Variants in EPO observed in about 807,000 individuals in gnomAD.
EPO encodes epoetin.
A neutral mutation model predicts 24.4 loss-of-function variants in EPO; 12 were observed. The observed-to-expected ratio is 0.49, with a 90% CI of 0.32 to 0.80. The LOEUF (loss-of-function observed/expected upper bound fraction) is 0.80, where lower values mean the gene tolerates loss of function less well. EPO is among the 30% of genes least tolerant of loss of function. EPO has a pLI of 0.04. For missense variants in EPO, 210 were observed against 238.0 expected (o/e 0.88, Z 0.77); for synonymous variants, 107 against 104.0 (o/e 1.03, Z -0.18).
At position 100,723,120 on chromosome 7, in the gene EPO, CAG is replaced by C; in HGVS notation, c.570_571del (p.Asp192GlnfsTer64). On this transcript the variant is annotated frameshift_variant, in exon 5 of 5. Transcript: ENST00000252723. LOFTEE classifies it high-confidence loss of function. ...CTGTACACAGGGGAGGCCTGCAGGA[CAG>C]GGGACAGATGACCAGGTGTGTCCAC... The C allele has an allele frequency of 6.2e-7, 1 of 1,613,960 alleles. No homozygotes were observed. The highest frequency in any genetic ancestry group is 8.5e-7 in the Non-Finnish European group (1 of 1,179,910).
rs763785260 is a variant in EPO, at chr7:100,723,022, C to T, written c.471C>T (p.Leu157=). Residue 157 remains leucine (L), a synonymous_variant, in exon 5 of 5, where the codon CTC becomes CTT. Coordinates refer to ENST00000252723, the MANE Select transcript of EPO (RefSeq NM_000799.4). ...SPPDAASAAP[L]RTITADTFRK... is the part of the protein sequence containing the mutation. The stretch of plus-strand genomic sequence containing the variant: ...CAGATGCGGCCTCAGCTGCTCCACT[C>T]CGAACAATCACTGCTGACACTTTCC... 1.1e-5 allele frequency: 18 copies of T among 1,614,044 alleles called. No individual in the cohort carries two copies. The Admixed American group carries it at 3.0e-4, about 27-fold the overall frequency.
At position 100,722,010 on chromosome 7, in the gene EPO, G is replaced by A. The variant is rs62483572; in HGVS notation, c.208G>A (p.Asp70Asn). ...CTTGAATGAGAATATCACTGTCCCA[G>A]ACACCAAAGTTAATTTCTATGCCTG... ...CSLNENITVP[D>N]TKVNFYAWKR... Residue 70 changes from aspartate to asparagine, a missense_variant, in exon 3 of 5, where the codon GAC (aspartate) becomes AAC (asparagine). Coordinates refer to ENST00000252723, the MANE Select transcript of EPO (RefSeq NM_000799.4). The A allele has an allele frequency of 4.0e-3, 6,390 of 1,612,388 alleles. 16 individuals are homozygous for A. Among genetic ancestry groups the A allele is most frequent in the Non-Finnish European group, 5.1e-3 (5,960 of 1,179,554 alleles).
In EPO at chr7:100,721,566, G is replaced by A. The variant is rs1459236103; in HGVS notation, c.22G>A (p.Ala8Thr). 1.2e-6 allele frequency: 2 copies of A among 1,613,936 alleles called. No homozygotes were observed. Among genetic ancestry groups the A allele is most frequent in the Non-Finnish European group, 1.7e-6 (2 of 1,180,000 alleles). ...CTGGCTATCTGTTCTAGAATGTCCT[G>A]CCTGGCTGTGGCTTCTCCTGTCCCT... is the stretch of plus-strand genomic sequence containing the variant. MGVHECPAWLWLLLSLLS... is the reference protein window; with the variant it reads MGVHECPTWLWLLLSLLS... The change falls in exon 2 of 5, where the codon GCC becomes ACC. Residue 8 changes from alanine (A) to threonine (T), a missense_variant. Ala to Thr is a moderately conservative substitution (Grantham distance 58, BLOSUM62 0). Transcript: ENST00000252723. The surrounding 1 kb of genome is among the most constrained non-coding windows in gnomAD (Gnocchi z 4.0).
At position 100,721,753 on chromosome 7, in the gene EPO, A is replaced by G. The variant is rs762977212; in HGVS notation, c.159+50A>G. 1.3e-6 allele frequency: 2 copies of G among 1,577,262 alleles called. No individual in the cohort carries two copies. The highest frequency in any genetic ancestry group is 2.3e-5 in the South Asian group (2 of 87,172). On this transcript the variant is annotated intron_variant, in intron 2 of 4. Coordinates refer to ENST00000252723, the MANE Select transcript of EPO (RefSeq NM_000799.4). This position sits in a 1 kb window ranked among gnomAD's most constrained non-coding sequence, Gnocchi z 4.0. ...CCACAGAACTCACGCTCAGGGCTTCAGGGAACTCCTCCCAGATCCAGGAAC... is the reference window on the plus strand; with the variant it reads ...CCACAGAACTCACGCTCAGGGCTTCGGGGAACTCCTCCCAGATCCAGGAAC...
Position 100,721,892 on chromosome 7 carries a change from A to G in EPO, c.160-70A>G. 6.4e-7 allele frequency: 1 copy of G among 1,554,236 alleles called. No individual in the cohort carries two copies. The highest frequency in any genetic ancestry group is 8.7e-7 in the Non-Finnish European group (1 of 1,149,074). On this transcript the variant is annotated intron_variant, in intron 2 of 4. Coordinates refer to ENST00000252723, the MANE Select transcript of EPO (RefSeq NM_000799.4). This position sits in a 1 kb window ranked among gnomAD's most constrained non-coding sequence, Gnocchi z 4.0. ...ACTAGGCAAGGAGCAAAGCCAGCAG[A>G]TCCTACGGCCTGTGGGCCAGGGCCA... is the stretch of plus-strand genomic sequence containing the variant.
chr7:100,722,595 G>T, intron 3 of EPO, 69 bp from the exon 4 acceptor site: 1 of 1,368,308 alleles, frequency 7.3e-7, no homozygotes, highest in South Asian at 1.4e-5. Flanking sequence ...CTTGGTGCTT[G>T]GGGCTGCTGA....
Position 100,720,877 on chromosome 7 carries a change from C to A in EPO, c.-104C>A. On this transcript the variant is annotated 5_prime_UTR_variant, in exon 1 of 5. Coordinates refer to ENST00000252723, the MANE Select transcript of EPO (RefSeq NM_000799.4). ...CTGGACAGCCGCCCTCTCCTCCAGG[C>A]CCGTGGGGCTGGCCCTGCACCGCCG... The A allele has an allele frequency of 2.2e-6, 3 of 1,350,870 alleles. No individual in the cohort carries two copies. Among genetic ancestry groups the A allele is most frequent in the Non-Finnish European group, 2.9e-6 (3 of 1,039,434 alleles). 83.7% of individuals were successfully genotyped at this position (1,350,870 alleles called of 1,614,324 possible).
In EPO at chr7:100,721,467, T is replaced by G. The variant is rs922343063; in HGVS notation, c.14-91T>G. 6 of 1,520,300 alleles carry G rather than the reference T, an allele frequency of 3.9e-6. No individual in the cohort carries two copies. The highest frequency in any genetic ancestry group is 3.6e-6 in the Non-Finnish European group (4 of 1,126,560). The allele number at this position is 1,520,300 out of a possible 1,614,324, so 94.2% of individuals were successfully genotyped here. On this transcript the variant is annotated intron_variant, in intron 1 of 4. Coordinates refer to ENST00000252723, the MANE Select transcript of EPO (RefSeq NM_000799.4). The surrounding 1 kb of genome is among the most constrained non-coding windows in gnomAD (Gnocchi z 4.0). Reference sequence around the variant, plus strand: ...ATGGTTGGGGACAGGAAGGACGAGCTGGGGCAGAGACGTGGGGATGAAGGA... The same window carrying G: ...ATGGTTGGGGACAGGAAGGACGAGCGGGGGCAGAGACGTGGGGATGAAGGA...
chr7:100,721,414 G>A lies in EPO; in HGVS notation c.14-144G>A, dbSNP rs1806737568. Reference sequence around the variant, plus strand: ...CACACGGCAGCAGGATTGAATGAAGGCCAGGGAGGCAGCACCTGAGTGCTT... The same window carrying A: ...CACACGGCAGCAGGATTGAATGAAGACCAGGGAGGCAGCACCTGAGTGCTT... On this transcript the variant is annotated intron_variant, in intron 1 of 4. Transcript: ENST00000252723. The surrounding 1 kb of genome is among the most constrained non-coding windows in gnomAD (Gnocchi z 4.0). 9.3e-7 allele frequency: 1 copy of A among 1,075,096 alleles called. No homozygotes were observed. Among genetic ancestry groups the A allele is most frequent in the Non-Finnish European group, 1.3e-6 (1 of 758,830 alleles). 66.6% of individuals were successfully genotyped at this position (1,075,096 alleles called of 1,614,324 possible). A position where few individuals can be genotyped will look rare whatever the true frequency, so the allele number is the denominator to read the frequency against.
In EPO at chr7:100,720,543, C is replaced by T. The variant is rs1423645406; in HGVS notation, c.-438C>T. ...CACTCCCCTCCCGCGACCCAGGGCC[C>T]GGGAGCAGCCCCCATGACCCACACG... On this transcript the variant is annotated 5_prime_UTR_variant, in exon 1 of 5. Coordinates refer to ENST00000252723, the MANE Select transcript of EPO (RefSeq NM_000799.4). Among the ~76,000 whole-genome samples, 3 of 152,102 alleles carry T rather than the reference C, an allele frequency of 2.0e-5. No homozygotes were observed. Among genetic ancestry groups the T allele is most frequent in the Non-Finnish European group, 4.4e-5 (3 of 67,992 alleles).
chr7:100,721,410 G>A lies in EPO; in HGVS notation c.14-148G>A. ...TGTGCACACGGCAGCAGGATTGAAT[G>A]AAGGCCAGGGAGGCAGCACCTGAGT... On this transcript the variant is annotated intron_variant, in intron 1 of 4. Coordinates refer to ENST00000252723, the MANE Select transcript of EPO (RefSeq NM_000799.4). This position sits in a 1 kb window ranked among gnomAD's most constrained non-coding sequence, Gnocchi z 4.0. 1 of 1,038,826 alleles carries A rather than the reference G, an allele frequency of 9.6e-7. No homozygotes were observed. Among genetic ancestry groups the A allele is most frequent in the Non-Finnish European group, 1.4e-6 (1 of 729,126 alleles). 64.4% of individuals were successfully genotyped at this position (1,038,826 alleles called of 1,614,324 possible). A position where few individuals can be genotyped will look rare whatever the true frequency, so the allele number is the denominator to read the frequency against.
chr7:100,722,086 G>A, intron 3 of EPO, 38 bp downstream of exon 3: 1 of 1,534,878 alleles, frequency 6.5e-7, no homozygotes. Context: ...TTCTTTTGGA[G>A]AATCTCATTT....
Position 100,721,919 on chromosome 7 carries a change from A to C in EPO, c.160-43A>C. On this transcript the variant is annotated intron_variant, in intron 2 of 4. Coordinates refer to ENST00000252723, the MANE Select transcript of EPO (RefSeq NM_000799.4). This position sits in a 1 kb window ranked among gnomAD's most constrained non-coding sequence, Gnocchi z 4.0. ...CCTACGGCCTGTGGGCCAGGGCCAG[A>C]GCCTTCAGGGACCCTTGACTCCCCG... The C allele has an allele frequency of 1.3e-6, 2 of 1,583,702 alleles. No individual in the cohort carries two copies. Among genetic ancestry groups the C allele is most frequent in the Non-Finnish European group, 1.7e-6 (2 of 1,168,830 alleles).
chr7:100,720,691 C>A lies in EPO; in HGVS notation c.-290C>A. 2.8e-6 allele frequency: 1 copy of A among 360,360 alleles called. No homozygotes were observed. The highest frequency in any genetic ancestry group is 7.4e-4 in the Middle Eastern group (1 of 1,356). 22.3% of individuals were successfully genotyped at this position (360,360 alleles called of 1,614,324 possible). ...CACGCACACAGCCTCTCCCCCACCC[C>A]CACCCGCGCACGCACACATGCAGAT... On this transcript the variant is annotated 5_prime_UTR_variant, in exon 1 of 5. Transcript: ENST00000252723.
rs562295127 is a variant in EPO, at chr7:100,722,602, C to T, written c.247-62C>T. The T allele has an allele frequency of 4.4e-4, 638 of 1,457,078 alleles. 1 individual carries two copies. The highest frequency in any genetic ancestry group is 5.4e-4 in the Non-Finnish European group (580 of 1,079,296). 90.3% of individuals were successfully genotyped at this position (1,457,078 alleles called of 1,614,324 possible). On this transcript the variant is annotated intron_variant, in intron 3 of 4. Transcript: ENST00000252723. ...TTGCTCAGCTTGGTGCTTGGGGCTGCTGAGGGGCAGGAGGGAGAGGGTGAC... is the reference window on the plus strand; with the variant it reads ...TTGCTCAGCTTGGTGCTTGGGGCTGTTGAGGGGCAGGAGGGAGAGGGTGAC...
At position 100,720,935 on chromosome 7, in the gene EPO, A is replaced by G. The variant is rs756641457; in HGVS notation, c.-46A>G. The G allele has an allele frequency of 2.2e-5, 34 of 1,537,852 alleles. No homozygotes were observed. The African/African-American group carries it at 4.6e-4, about 21-fold the overall frequency. ...CGGGATGAGGGCCCCCGGTGTGGTCACCCGGCGCGCCCCAGGTCGCTGAGG... is the reference window on the plus strand; with the variant it reads ...CGGGATGAGGGCCCCCGGTGTGGTCGCCCGGCGCGCCCCAGGTCGCTGAGG... On this transcript the variant is annotated 5_prime_UTR_variant, in exon 1 of 5. Coordinates refer to ENST00000252723, the MANE Select transcript of EPO (RefSeq NM_000799.4).
In EPO at chr7:100,721,132, T is replaced by A. The variant is rs1474631225; in HGVS notation, c.13+139T>A. On this transcript the variant is annotated intron_variant, in intron 1 of 4. Coordinates refer to ENST00000252723, the MANE Select transcript of EPO (RefSeq NM_000799.4). This position sits in a 1 kb window ranked among gnomAD's most constrained non-coding sequence, Gnocchi z 4.0. ...AAGGACCCCGGAAGGGGGAGGGGGG[T>A]GGGGCAGCCTCCACGTGCCAGCGGG... 1.1e-4 allele frequency: 28 copies of A among 249,178 alleles called. No homozygotes were observed. Among genetic ancestry groups the A allele is most frequent in the East Asian group, 3.2e-4 (3 of 9,442 alleles). The allele number at this position is 249,178 out of a possible 1,614,324, so 15.4% of individuals were successfully genotyped here.
At chr7:100,722,129 T>C in intron 3 of EPO, 81 bp downstream of exon 3, 2 of 1,327,916 alleles carry the variant, frequency 1.5e-6, no homozygotes, top group Non-Finnish European at 2.1e-6. Flanking sequence ...GGGAGAATGA[T>C]CGAGGGAAAG....
At position 100,720,680 on chromosome 7, in the gene EPO, C is replaced by A; in HGVS notation, c.-301C>A. On this transcript the variant is annotated 5_prime_UTR_variant, in exon 1 of 5. Coordinates refer to ENST00000252723, the MANE Select transcript of EPO (RefSeq NM_000799.4). ...TGGCGACCCCTCACGCACACAGCCT[C>A]TCCCCCACCCCCACCCGCGCACGCA... is the stretch of plus-strand genomic sequence containing the variant. 3.0e-6 allele frequency: 1 copy of A among 336,100 alleles called. No homozygotes were observed. The highest frequency in any genetic ancestry group is 5.3e-6 in the Non-Finnish European group (1 of 187,976). 20.8% of individuals were successfully genotyped at this position (336,100 alleles called of 1,614,324 possible). A position where few individuals can be genotyped will look rare whatever the true frequency, so the allele number is the denominator to read the frequency against.
Sources: allele counts gnomAD v4.1 joint callset (sites outside exome capture counted in the v4.1 genomes callset), GRCh38; gene constraint gnomAD v4.1.1; non-coding constraint Gnocchi (gnomAD v3.1); transcripts MANE v1.5; gene names NCBI Gene and HGNC (gene_info 2026-07-23, HGNC 2026-07-21).